DCX: variants seen among roughly 807,000 people sequenced by gnomAD.
DCX encodes the protein neuronal migration protein doublecortin.
A neutral mutation model predicts 20.9 loss-of-function variants in DCX; 4 were observed. That is an observed-to-expected ratio of 0.19 (90% confidence interval 0.09 to 0.44). The LOEUF (loss-of-function observed/expected upper bound fraction) is 0.44. Ranked by LOEUF, DCX falls within the 20% of genes least tolerant of loss-of-function variation. The probability of loss-of-function intolerance (pLI) is 0.99; values close to 1 mark genes in which losing one functional copy is unlikely to be tolerated. For missense variants in DCX, 133 were observed against 296.9 expected (o/e 0.45, Z 4.06); for synonymous variants, 103 against 111.4 (o/e 0.92, Z 0.47).
rs535804135 is a variant in DCX at position 111,365,820 on chromosome X, T to C, written c.706-32667A>G. 1.4e-4 allele frequency among the ~76,000 whole-genome samples: 16 copies of C among 112,066 alleles called. No homozygotes were observed. In the South Asian group the frequency reaches 3.4e-3, roughly 24 times the overall value. The stretch of plus-strand genomic sequence containing the variant: ...CATTGTATATAATTGTTATCTATAA[T>C]TTGTATCTTGCTTCTTTGTTTAACA... On this transcript the variant is annotated intron_variant, in intron 3 of 6. Coordinates refer to ENST00000636035, the MANE Select transcript of DCX (RefSeq NM_001195553.2).
At chrX:111,333,324 T>C (rs1254339991) in intron 3 of DCX, among the ~76,000 whole-genome samples, 171 bp from the exon 4 acceptor site, 1 of 111,485 alleles carries the variant, frequency 9.0e-6, no homozygotes, top group Non-Finnish European at 1.9e-5. Flanking sequence ...TGACCCCTAG[T>C]GAGGGATGAT....
chrX:111,385,718 C>CAAGAAAGCAAGAAAGCAAGG (rs1556396523), intron 3 of DCX, among the ~76,000 whole-genome samples: 2 of 82,016 alleles, frequency 2.4e-5, no homozygotes. Flanking sequence ...AGCAAGAAAG[C>CAAGAAAGCAAGAAAGCAAGG]AAGGAAGGAA....
At chrX:111,361,710 T>C (rs1924227100) in intron 3 of DCX, among the ~76,000 whole-genome samples, 1 of 112,556 alleles carries the variant, frequency 8.9e-6, no homozygotes, top group Admixed American at 9.4e-5. Flanking sequence ...AAATCATCTG[T>C]ACATTTCATT....
chrX:111,393,167 C>T (rs978739603), intron 3 of DCX, among the ~76,000 whole-genome samples: 1 of 111,326 alleles, frequency 9.0e-6, no homozygotes, highest in African/African-American at 3.3e-5. Context: ...ATTCTAAAAA[C>T]CTTCAGAGGA....
rs183867063 is a variant in DCX, at chrX:111,409,911, G to A, written c.364+124C>T. ...GATGTCTATAGCATTAGAAATTTGA[G>A]CATCAATCAACCCGGTGTTTTGAAA... is the stretch of plus-strand genomic sequence containing the variant. On this transcript the variant is annotated intron_variant, in intron 2 of 6. Coordinates refer to ENST00000636035, the MANE Select transcript of DCX (RefSeq NM_001195553.2). 5.5e-6 allele frequency: 5 copies of A among 911,619 alleles called. No homozygotes were observed. The East Asian group carries it at 1.2e-4, about 23-fold the overall frequency. 75.1% of individuals were successfully genotyped at this position (911,619 alleles called of 1,213,427 possible).
chrX:111,309,507 C>A (rs2095052755), intron 6 of DCX, among the ~76,000 whole-genome samples: 1 of 111,977 alleles, frequency 8.9e-6, no homozygotes, highest in Non-Finnish European at 1.9e-5. Flanking sequence ...GGGTCACAAG[C>A]TTTTTATCTT....
At chrX:111,341,449 C>T (rs182097922) in intron 3 of DCX, among the ~76,000 whole-genome samples, 1 of 111,366 alleles carries the variant, frequency 9.0e-6, no homozygotes, top group East Asian at 2.9e-4. Flanking sequence ...AAAAAACACA[C>T]TTCAGGGTAT....
intron 5 of DCX, among the ~76,000 whole-genome samples, chrX:111,321,534 G>A (rs189568671): frequency 9.0e-6 from 1 of 111,542 alleles, no homozygotes; most frequent in South Asian, 3.8e-4. Flanking sequence ...TTAAATATAT[G>A]GGGGAAAATG....
At position 111,295,557 on chromosome X, in the gene DCX, C is replaced by G. The variant is rs1032173060; in HGVS notation, c.*6130G>C. ...AACTTTAAGCAATTACTCCCCCACC[C>G]CCATCCAGCCAAAACAAATGACAGG... On this transcript the variant is annotated 3_prime_UTR_variant, in exon 7 of 7. Transcript: ENST00000636035. The G allele has an allele frequency of 8.9e-6, 1 of 111,942 alleles. No individual in the cohort carries two copies. The highest frequency in any genetic ancestry group is 1.9e-5 in the Non-Finnish European group (1 of 53,150). The allele number at this position is 111,942 out of a possible 1,213,427, so 9.2% of individuals were successfully genotyped here.
At chrX:111,343,137 GTT>G (rs763161014) in intron 3 of DCX, among the ~76,000 whole-genome samples, 346 of 94,918 alleles carry the variant, frequency 3.6e-3, no homozygotes, top group African/African-American at 4.4e-3. Flanking sequence ...CAACAGCTGG[GTT>G]TTTTTTTTTT....
intron 3 of DCX, among the ~76,000 whole-genome samples, chrX:111,382,834 C>A (rs773572455): frequency 1.2e-3 from 137 of 111,246 alleles, no homozygotes; most frequent in Admixed American, 2.8e-3. Flanking sequence ...CATAGGGAAT[C>A]ATCTCACATT....
At chrX:111,405,519 T>C (rs998880942) in intron 2 of DCX, among the ~76,000 whole-genome samples, 19 of 110,936 alleles carry the variant, frequency 1.7e-4, no homozygotes, top group Non-Finnish European at 2.8e-4. Context: ...CAATTGTAAA[T>C]ATTCTGTCCC....
At chrX:111,318,387 T>C (rs759941441) in intron 5 of DCX, among the ~76,000 whole-genome samples, 20 of 104,309 alleles carry the variant, frequency 1.9e-4, no homozygotes, top group African/African-American at 5.9e-4. Flanking sequence ...ATAATAATAA[T>C]AACAATAATA....
At chrX:111,356,332 G>C (rs1923730336) in intron 3 of DCX, among the ~76,000 whole-genome samples, 1 of 112,302 alleles carries the variant, frequency 8.9e-6, no homozygotes, top group Non-Finnish European at 1.9e-5. Flanking sequence ...ACCCCTCACA[G>C]CACTCTTGTC....
At chrX:111,359,997 T>G (rs1160166656) in intron 3 of DCX, among the ~76,000 whole-genome samples, 1 of 112,321 alleles carries the variant, frequency 8.9e-6, no homozygotes, top group Non-Finnish European at 1.9e-5. Context: ...AGGAATCTAT[T>G]TAATAGACAA....
At chrX:111,335,906 A>G (rs769284796) in intron 3 of DCX, among the ~76,000 whole-genome samples, 82 of 110,238 alleles carry the variant, frequency 7.4e-4, no homozygotes, top group African/African-American at 2.6e-3. Context: ...GTGAGCCGAG[A>G]TCACACCACT....
chrX:111,351,314 A>C (rs1038791130), intron 3 of DCX, among the ~76,000 whole-genome samples: 3 of 112,260 alleles, frequency 2.7e-5, no homozygotes, highest in African/African-American at 9.7e-5. Context: ...CACCTTATCG[A>C]CTATATACTT....
chrX:111,395,012 C>T (rs774614946), intron 3 of DCX, among the ~76,000 whole-genome samples: 3 of 112,044 alleles, frequency 2.7e-5, no homozygotes, highest in African/African-American at 9.7e-5. Context: ...TTTTAGAGGC[C>T]ATCCTGGAAA....
At chrX:111,316,975 A>C (rs1452575971) in intron 5 of DCX, among the ~76,000 whole-genome samples, 1 of 112,508 alleles carries the variant, frequency 8.9e-6, no homozygotes, top group East Asian at 2.8e-4. Flanking sequence ...GTAAGAATCA[A>C]TATCATTAAA....
Sources: gnomAD v4.1 joint callset for allele counts (sites outside exome capture counted in the v4.1 genomes callset) on GRCh38, gnomAD v4.1.1 for gene constraint, MANE v1.5 for transcripts, NCBI Gene and HGNC (gene_info 2026-07-23, HGNC 2026-07-21) for gene names.